PIWIL2: variants seen among roughly 807,000 people sequenced by gnomAD.
PIWIL2 encodes the protein piwi-like protein 2.
A neutral mutation model predicts 116.5 loss-of-function variants in PIWIL2; 81 were observed. The observed-to-expected ratio is 0.70, with a 90% confidence interval of 0.58 to 0.84. PIWIL2 has a LOEUF of 0.84. Ranked by LOEUF, PIWIL2 falls within the 40% of genes least tolerant of loss-of-function variation. PIWIL2 has a pLI of 0.00. For synonymous variants in PIWIL2, 489 were observed against 429.5 expected, an observed-to-expected ratio of 1.14 and a Z score of -1.71; for missense variants, 1,272 against 1,212.3, an observed-to-expected ratio of 1.05 and a Z score of -0.73.
chr8:22,314,420 G>C lies in PIWIL2; in HGVS notation c.2082G>C (p.Val694=). The change falls in exon 17 of 23, where the codon GTG becomes GTC. Residue 694 remains valine, a synonymous_variant. Coordinates refer to ENST00000356766, the MANE Select transcript of PIWIL2 (RefSeq NM_018068.5). ...IKKLCCVQSP[V]PSQVVNVRTI... is the part of the protein sequence containing the mutation. ...AGCTGTGCTGTGTGCAGTCCCCAGT[G>C]CCCTCCCAGGTGAGTGGGTGTTGGG... is the stretch of plus-strand genomic sequence containing the variant. 6 of 1,556,774 alleles carry C rather than the reference G, an allele frequency of 3.9e-6. No individual in the cohort carries two copies. Among genetic ancestry groups the C allele is most frequent in the Non-Finnish European group, 5.2e-6 (6 of 1,146,888 alleles).
At chr8:22,333,138 C>G (rs1831900198) in intron 20 of PIWIL2, among the ~76,000 whole-genome samples, 1 of 152,086 alleles carries the variant, frequency 6.6e-6, no homozygotes, top group South Asian at 2.1e-4. Flanking sequence ...GTTGTACTCT[C>G]TAGGGTAACT....
chr8:22,308,893 C>T (rs929846158), intron 14 of PIWIL2, among the ~76,000 whole-genome samples: 4 of 152,048 alleles, frequency 2.6e-5, no homozygotes, highest in Admixed American at 6.6e-5. Context: ...TCAAATGATC[C>T]GCCTACCTTA....
chr8:22,316,419 T>C, intron 19 of PIWIL2, 86 bp downstream of exon 19: 2 of 846,058 alleles, frequency 2.4e-6, no homozygotes. Flanking sequence ...CTTTTTAGCA[T>C]TATGTATTAC....
intron 20 of PIWIL2, among the ~76,000 whole-genome samples, chr8:22,342,417 T>G (rs1385726341): frequency 6.6e-6 from 1 of 152,138 alleles, no homozygotes; most frequent in Non-Finnish European, 1.5e-5. Context: ...GTGGTATTGA[T>G]GAAAAGACAG....
intron 10 of PIWIL2, among the ~76,000 whole-genome samples, chr8:22,294,900 GAAAAAA>G (rs57742067): frequency 2.1e-5 from 2 of 93,650 alleles, no homozygotes; most frequent in African/African-American, 3.9e-5. Flanking sequence ...ATCTTTACTG[GAAAAAA>G]AAAAAAAAAA....
At chr8:22,333,352 C>G (rs1447114204) in intron 20 of PIWIL2, among the ~76,000 whole-genome samples, 2 of 152,144 alleles carry the variant, frequency 1.3e-5, no homozygotes, top group Non-Finnish European at 2.9e-5. Context: ...TGGCTCACGC[C>G]TGTAATCCCA....
chr8:22,279,108 T>G (rs1215739654), intron 1 of PIWIL2, among the ~76,000 whole-genome samples: 1 of 152,164 alleles, frequency 6.6e-6, no homozygotes, highest in African/African-American at 2.4e-5. Context: ...AAAATTATCT[T>G]CCAGGAAACC....
chr8:22,322,585 CGTCCCGTCCT>C (rs934313611), intron 20 of PIWIL2, among the ~76,000 whole-genome samples: 1 of 132,896 alleles, frequency 7.5e-6, no homozygotes, highest in African/African-American at 2.7e-5. Flanking sequence ...TGTCCTGTCC[CGTCCCGTCCT>C]GTCCCGTCCC....
chr8:22,342,874 TTATAAAG>T (rs1394872305), intron 20 of PIWIL2, among the ~76,000 whole-genome samples: 2 of 152,152 alleles, frequency 1.3e-5, no homozygotes, highest in South Asian at 2.1e-4. Flanking sequence ...TAAAGGACTG[TTATAAAG>T]TATACAAAGA....
At chr8:22,298,425 A>G (rs934217882) in intron 10 of PIWIL2, among the ~76,000 whole-genome samples, 2 of 152,252 alleles carry the variant, frequency 1.3e-5, no homozygotes, top group Non-Finnish European at 2.9e-5. Context: ...ATTGGCTTAC[A>G]TAAAGACCTA....
At chr8:22,318,832 C>T (rs1831529166) in intron 20 of PIWIL2, among the ~76,000 whole-genome samples, 1 of 152,228 alleles carries the variant, frequency 6.6e-6, no homozygotes, top group Non-Finnish European at 1.5e-5. Context: ...CTCAGGTTGT[C>T]AGCCTGATGT....
intron 8 of PIWIL2, among the ~76,000 whole-genome samples, chr8:22,289,152 C>CTTTTTTTTTTTT (rs374688951): frequency 1.0e-4 from 14 of 135,292 alleles, no homozygotes; most frequent in East Asian, 2.1e-4. Flanking sequence ...TTTCTTTTTT[C>CTTTTTTTTTTTT]TTTTTTTTTT....
At chr8:22,281,330 A>G (rs1396760215) in intron 3 of PIWIL2, 47 bp from the exon 4 acceptor site, 3 of 1,579,294 alleles carry the variant, frequency 1.9e-6, no homozygotes, top group Non-Finnish European at 1.7e-6. Flanking sequence ...ATACTTTAAA[A>G]CACGTTTAAG....
At chr8:22,287,480 T>C (rs770666644) in intron 6 of PIWIL2, 48 bp from the exon 7 acceptor site, 10 of 1,163,832 alleles carry the variant, frequency 8.6e-6, no homozygotes, top group East Asian at 2.3e-5. Flanking sequence ...CTGGTAAAGA[T>C]TGCAGTTTGA....
At position 22,352,964 on chromosome 8, in the gene PIWIL2, C is replaced by G; in HGVS notation, c.2409C>G (p.Asn803Lys). ...CATCCTCGCTGTCATTTCAGGTGAA[C>G]CACTGTCTACCAGAGAAGATTGTGG... ...VGSLKKFYEV[N>K]HCLPEKIVVY... The change falls in exon 21 of 23, where the codon AAC becomes AAG. Residue 803 changes from asparagine to lysine, a missense_variant. Asn to Lys is a moderately conservative substitution (Grantham distance 94). Coordinates refer to ENST00000356766, the MANE Select transcript of PIWIL2 (RefSeq NM_018068.5). 1.9e-6 allele frequency: 3 copies of G among 1,610,074 alleles called. No individual in the cohort carries two copies. The highest frequency in any genetic ancestry group is 2.5e-6 in the Non-Finnish European group (3 of 1,177,066).
At chr8:22,337,663 G>A (rs1832010564) in intron 20 of PIWIL2, among the ~76,000 whole-genome samples, 1 of 151,946 alleles carries the variant, frequency 6.6e-6, no homozygotes, top group Non-Finnish European at 1.5e-5. Flanking sequence ...CTGGGAGGCG[G>A]AGGTTGCAGT....
chr8:22,341,091 T>G (rs1832097510), intron 20 of PIWIL2, among the ~76,000 whole-genome samples: 1 of 152,116 alleles, frequency 6.6e-6, no homozygotes, highest in East Asian at 1.9e-4. Context: ...AAATCTTTGT[T>G]GTTTTGAGCC....
At chr8:22,347,729 G>T (rs1399556004) in intron 20 of PIWIL2, among the ~76,000 whole-genome samples, 2 of 151,026 alleles carry the variant, frequency 1.3e-5, no homozygotes, top group Non-Finnish European at 2.9e-5. Flanking sequence ...GTTTCACTGT[G>T]TTGGCCAGGC....
At chr8:22,332,804 C>T (rs1831891390) in intron 20 of PIWIL2, among the ~76,000 whole-genome samples, 1 of 152,080 alleles carries the variant, frequency 6.6e-6, no homozygotes, top group African/African-American at 2.4e-5. Context: ...AATAGACTGT[C>T]ACCAGCTGAC....
Sources: allele counts gnomAD v4.1 joint callset (sites outside exome capture counted in the v4.1 genomes callset), GRCh38; gene constraint gnomAD v4.1.1; transcripts MANE v1.5; gene names NCBI Gene and HGNC (gene_info 2026-07-23, HGNC 2026-07-21).